RIC3: variants seen among roughly 807,000 people sequenced by gnomAD.
RIC3 encodes the protein RIC3 acetylcholine receptor chaperone.
A neutral mutation model predicts 27.3 loss-of-function variants in RIC3; 28 were observed. That is an observed-to-expected ratio of 1.02 (90% CI 0.76 to 1.41). The LOEUF (loss-of-function observed/expected upper bound fraction) is 1.41. Ranked by LOEUF, RIC3 falls within the 40% of genes most tolerant of loss-of-function variation. The pLI, the probability that RIC3 is intolerant of heterozygous loss-of-function variation, is 0.00. For missense variants in RIC3, 501 were observed against 444.7 expected (o/e 1.13, Z -1.14); for synonymous variants, 184 against 160.4 (o/e 1.15, Z -1.11).
chr11:8,095,390 T>C, the RIC3 span: 1 of 1,213,312 alleles, frequency 8.2e-7, no homozygotes, highest in South Asian at 1.7e-5. Context: ...AAATAAAGTT[T>C]TGCAGAGGGT....
intron 5 of RIC3, among the ~76,000 whole-genome samples, chr11:8,121,161 GA>G (rs1457111757): frequency 1.3e-5 from 2 of 152,214 alleles, no homozygotes; most frequent in African/African-American, 4.8e-5. Context: ...ACTTAAAACA[GA>G]AAAGGTTAAT....
chr11:8,127,896 G>A (rs954225274), intron 4 of RIC3, among the ~76,000 whole-genome samples: 1 of 152,200 alleles, frequency 6.6e-6, no homozygotes, highest in South Asian at 2.1e-4. Context: ...AATGAAAAGA[G>A]TATTTCTCCT....
rs982131431 is a variant in RIC3, at chr11:8,108,723, C to CT, written c.*1974dup. On this transcript the variant is annotated 3_prime_UTR_variant, in exon 6 of 6. Transcript: ENST00000309737. Reference sequence around the variant, plus strand: ...ATCTGTCAGGCTCTCTCTCGTCACACTGAGTTTTCTGAGGGTAGAGATTGA... The same window carrying CT: ...ATCTGTCAGGCTCTCTCTCGTCACACTTGAGTTTTCTGAGGGTAGAGATTGA... The CT allele has an allele frequency of 6.6e-6, 1 of 152,188 alleles. No homozygotes were observed. The highest frequency in any genetic ancestry group is 6.5e-5 in the Admixed American group (1 of 15,272). The allele number at this position is 152,188 out of a possible 1,614,324, so 9.4% of individuals were successfully genotyped here.
At chr11:8,143,534 C>T (rs1453728264) in intron 1 of RIC3, among the ~76,000 whole-genome samples, 4 of 151,558 alleles carry the variant, frequency 2.6e-5, no homozygotes, top group Non-Finnish European at 5.9e-5. Flanking sequence ...AAAGAGGATA[C>T]AAACAAACGG....
At chr11:8,133,701 CA>C (rs1948014514) in intron 4 of RIC3, among the ~76,000 whole-genome samples, 1 of 152,178 alleles carries the variant, frequency 6.6e-6, no homozygotes, top group Non-Finnish European at 1.5e-5. Context: ...AGATGTAGTA[CA>C]GTGACAGCTT....
chr11:8,148,179 A>G (rs1299676345), intron 1 of RIC3, among the ~76,000 whole-genome samples: 3 of 152,160 alleles, frequency 2.0e-5, no homozygotes, highest in African/African-American at 7.2e-5. Flanking sequence ...CTCAGTATTG[A>G]CTTTAAATGA....
At chr11:8,119,962 G>A (rs1946264316) in intron 5 of RIC3, among the ~76,000 whole-genome samples, 2 of 152,354 alleles carry the variant, frequency 1.3e-5, no homozygotes, top group African/African-American at 4.8e-5. Context: ...CTGGCCATCA[G>A]AGAAATGCAA....
At chr11:8,160,370 A>C (rs1394782338) in intron 1 of RIC3, among the ~76,000 whole-genome samples, 1 of 152,220 alleles carries the variant, frequency 6.6e-6, no homozygotes, top group South Asian at 2.1e-4. Context: ...AAATGTCTTT[A>C]ACAAAAAGTT....
rs755960599 is a variant in RIC3, at chr11:8,110,952, T to C, written c.856A>G (p.Arg286Gly). Residue 286 changes from arginine (R) to glycine (G), a missense_variant, in exon 6 of 6, where the codon AGA becomes GGA. By Grantham distance (125) the Arg-to-Gly change is moderately radical. Coordinates refer to ENST00000309737, the MANE Select transcript of RIC3 (RefSeq NM_001206671.4). ...LGWESLPTDP[R>G]AQEDNSVTSC... The stretch of plus-strand genomic sequence containing the variant: ...GTAACAGAATTATCTTCCTGGGCTC[T>C]GGGGTCAGTGGGCAGACTTTCCCAA... The C allele has an allele frequency of 1.2e-6, 2 of 1,614,234 alleles. No homozygotes were observed. The highest frequency in any genetic ancestry group is 1.1e-5 in the South Asian group (1 of 91,078).
At chr11:8,095,763 C>T in the RIC3 span, 2 of 1,326,842 alleles carry the variant, frequency 1.5e-6, no homozygotes, top group Non-Finnish European at 2.1e-6. Context: ...GTCCAAACCC[C>T]TCCCTGGCAA....
intron 1 of RIC3, among the ~76,000 whole-genome samples, chr11:8,145,859 A>T (rs984008250): frequency 1.6e-4 from 24 of 152,184 alleles, no homozygotes; most frequent in Non-Finnish European, 2.6e-4. Flanking sequence ...CTAAAAATAG[A>T]AATAAAAAAA....
chr11:8,128,903 A>C (rs757169073), intron 4 of RIC3, among the ~76,000 whole-genome samples: 7 of 151,596 alleles, frequency 4.6e-5, no homozygotes, highest in African/African-American at 2.4e-5. Context: ...TACAGGCGCC[A>C]GCCACCTCGC....
chr11:8,119,350 T>C (rs569831490), intron 5 of RIC3, among the ~76,000 whole-genome samples: 1 of 152,228 alleles, frequency 6.6e-6, no homozygotes, highest in Non-Finnish European at 1.5e-5. Flanking sequence ...AATAGAGATA[T>C]AGACCAATGG....
At chr11:8,150,737 C>A (rs1034814744) in intron 1 of RIC3, among the ~76,000 whole-genome samples, 6 of 152,174 alleles carry the variant, frequency 3.9e-5, no homozygotes, top group African/African-American at 1.2e-4. Flanking sequence ...AACTGAGAAG[C>A]CTGGAAACAC....
intron 5 of RIC3, among the ~76,000 whole-genome samples, chr11:8,112,535 T>C (rs1945394894): frequency 6.6e-6 from 1 of 152,180 alleles, no homozygotes; most frequent in Non-Finnish European, 1.5e-5. Flanking sequence ...CCTCAGGTGA[T>C]CCACCCACCT....
At chr11:8,104,986 A>ACTT (rs1944484704), downstream of RIC3, 1 of 151,762 alleles carries the variant, frequency 6.6e-6, no homozygotes, top group African/African-American at 2.4e-5. Context: ...TCTTAAATAA[A>ACTT]CTTAGCATTT....
intron 5 of RIC3, among the ~76,000 whole-genome samples, chr11:8,123,096 C>T (rs763650839): frequency 6.6e-6 from 1 of 151,618 alleles, no homozygotes; most frequent in Non-Finnish European, 1.5e-5. Context: ...TTAAAAAACA[C>T]TGAATAAGAT....
At chr11:8,133,945 A>C (rs570166796) in intron 4 of RIC3, among the ~76,000 whole-genome samples, 1 of 151,630 alleles carries the variant, frequency 6.6e-6, no homozygotes, top group South Asian at 2.1e-4. Flanking sequence ...CTCCCAAGTG[A>C]GGGGCCCTGC....
At chr11:8,098,935 T>C in the RIC3 span, 15 of 1,246,094 alleles carry the variant, frequency 1.2e-5, no homozygotes, top group South Asian at 1.7e-4. Flanking sequence ...CAGGACTTGA[T>C]GCCTGATCTA....
Sources: gnomAD v4.1 joint callset for allele counts (sites outside exome capture counted in the v4.1 genomes callset) on GRCh38, gnomAD v4.1.1 for gene constraint, MANE v1.5 for transcripts, NCBI Gene and HGNC (gene_info 2026-07-23, HGNC 2026-07-21) for gene names.